The following SLCO1A2 variants were observed in gnomAD, a reference collection of about 807,000 sequenced individuals.
The protein encoded by SLCO1A2 is solute carrier organic anion transporter family member 1A2.
A neutral mutation model predicts 69.0 loss-of-function variants in SLCO1A2; 67 were observed. That is an observed-to-expected ratio of 0.97 (90% CI 0.80 to 1.19). The LOEUF (loss-of-function observed/expected upper bound fraction) is 1.19. Ranked by LOEUF, SLCO1A2 falls within the 50% of genes most tolerant of loss-of-function variation. The pLI, the probability that SLCO1A2 is intolerant of heterozygous loss-of-function variation, is 0.00. For missense variants in SLCO1A2, 787 were observed against 793.7 expected, an observed-to-expected ratio of 0.99 and a Z score of 0.10; for synonymous variants, 260 against 265.9, an observed-to-expected ratio of 0.98 and a Z score of 0.22.
chr12:21,398,915 G>A (rs75356344), upstream of SLCO1A2, among the ~76,000 whole-genome samples: 1 of 150,542 alleles, frequency 6.6e-6, no homozygotes, highest in Non-Finnish European at 1.5e-5. Context: ...CACAGCCAAT[G>A]TCATACTGAA....
At chr12:21,274,013 G>T (rs1943351053) in intron 14 of SLCO1A2, 1 of 152,320 alleles carries the variant, frequency 6.6e-6, no homozygotes, top group South Asian at 2.1e-4. Flanking sequence ...GAGACATGAA[G>T]AAGATTGTTT....
chr12:21,414,805 A>C (rs562242893), intron 1 of SLCO1A2, among the ~76,000 whole-genome samples: 1 of 152,264 alleles, frequency 6.6e-6, no homozygotes, highest in South Asian at 2.1e-4. Flanking sequence ...ATTTATAAAC[A>C]TTTCTCTCAT....
chr12:21,365,570 T>G (rs957055837), intron 2 of SLCO1A2, among the ~76,000 whole-genome samples: 1 of 152,056 alleles, frequency 6.6e-6, no homozygotes, highest in African/African-American at 2.4e-5. Flanking sequence ...ACTAAAGAGC[T>G]TCTGCACATC....
intron 2 of SLCO1A2, among the ~76,000 whole-genome samples, chr12:21,343,937 A>G (rs995864594): frequency 2.6e-5 from 4 of 152,146 alleles, no homozygotes; most frequent in Non-Finnish European, 4.4e-5. Flanking sequence ...TGCAGAAAGT[A>G]TGAAGAATGC....
chr12:21,326,780 C>A (rs2199683), intron 2 of SLCO1A2, among the ~76,000 whole-genome samples: 7,376 of 152,170 alleles, frequency 0.048, 583 homozygotes, highest in African/African-American at 0.16. Flanking sequence ...TAAGAGCATT[C>A]AGTTTTATTA....
chr12:21,384,135 C>A (rs1268560945), intron 1 of SLCO1A2, among the ~76,000 whole-genome samples: 1 of 151,928 alleles, frequency 6.6e-6, no homozygotes, highest in Non-Finnish European at 1.5e-5. Flanking sequence ...GATAACTACA[C>A]AAACCAAAGA....
chr12:21,301,265 A>T lies in SLCO1A2; in HGVS notation c.594T>A (p.Leu198=). The T allele has an allele frequency of 6.2e-7, 1 of 1,606,386 alleles. No individual in the cohort carries two copies. The part of the protein sequence containing the change: ...KFENSPLYIG[L]VETGAIIGPL... The stretch of plus-strand genomic sequence containing the variant: ...GACCAATAATAGCTCCTGTTTCTAC[A>T]AGCCCTAAAAATAAATAAAAGTATA... The change falls in exon 7 of 15, where the codon CTT becomes CTA. Residue 198 remains leucine, a synonymous_variant. Transcript: ENST00000683939.
intron 2 of SLCO1A2, among the ~76,000 whole-genome samples, chr12:21,352,705 A>C (rs768028172): frequency 6.6e-6 from 1 of 152,276 alleles, no homozygotes; most frequent in Non-Finnish European, 1.5e-5. Flanking sequence ...AGCCAAAAGC[A>C]TAATGCGAGA....
Position 21,294,005 on chromosome 12 carries a change from C to T in SLCO1A2, c.1377G>A (p.Leu459=). Residue 459 remains leucine (L), a synonymous_variant, in exon 11 of 15, where the codon TTG becomes TTA. Transcript: ENST00000683939. ...IWDPVCGNNG[L]SYLSACLAGC... ...CAGCAAGACAAGCTGACAGATATGA[C>T]AAGCCATTGTTTCCACACACAGGAT... 6.2e-7 allele frequency: 1 copy of T among 1,612,904 alleles called. No homozygotes were observed. Among genetic ancestry groups the T allele is most frequent in the South Asian group, 1.1e-5 (1 of 90,948 alleles).
chr12:21,365,471 C>A (rs1939300858), intron 2 of SLCO1A2, among the ~76,000 whole-genome samples: 1 of 152,196 alleles, frequency 6.6e-6, no homozygotes, highest in Non-Finnish European at 1.5e-5. Context: ...CCATACCATT[C>A]AGGACATAGG....
intron 1 of SLCO1A2, among the ~76,000 whole-genome samples, chr12:21,387,575 T>C (rs985737980): frequency 1.3e-5 from 2 of 152,326 alleles, no homozygotes; most frequent in South Asian, 2.1e-4. Context: ...AAGTCAAGAA[T>C]TGAGGTTTGG....
chr12:21,281,615 G>T (rs1377900623), intron 12 of SLCO1A2, among the ~76,000 whole-genome samples: 1 of 151,704 alleles, frequency 6.6e-6, no homozygotes, highest in Non-Finnish European at 1.5e-5. Flanking sequence ...CAAAACAAAA[G>T]AAATAGTTAT....
chr12:21,391,275 G>T (rs554900031), intron 1 of SLCO1A2, among the ~76,000 whole-genome samples: 39 of 152,168 alleles, frequency 2.6e-4, no homozygotes, highest in African/African-American at 9.4e-4. Flanking sequence ...TTATAGAGGA[G>T]CCCAAATTTG....
At chr12:21,373,209 A>G (rs901867449) in intron 2 of SLCO1A2, 7 of 688,192 alleles carry the variant, frequency 1.0e-5, no homozygotes, top group Non-Finnish European at 1.8e-5. Flanking sequence ...TGTATCAATA[A>G]AAATTTTGAT....
chr12:21,303,871 A>G (rs904865116), intron 6 of SLCO1A2, among the ~76,000 whole-genome samples: 1 of 152,216 alleles, frequency 6.6e-6, no homozygotes, highest in Non-Finnish European at 1.5e-5. Flanking sequence ...ATGCAGAGCC[A>G]TGAGTAATAA....
At chr12:21,334,346 A>C (rs1952792536) in intron 2 of SLCO1A2, among the ~76,000 whole-genome samples, 1 of 152,048 alleles carries the variant, frequency 6.6e-6, no homozygotes, top group African/African-American at 2.4e-5. Context: ...AATTTTTAGG[A>C]TCCTGTCTTC....
At chr12:21,318,131 T>TTC (rs1951113947) in intron 3 of SLCO1A2, among the ~76,000 whole-genome samples, 1 of 139,010 alleles carries the variant, frequency 7.2e-6, no homozygotes, top group Non-Finnish European at 1.6e-5. Context: ...ACCTTTTCTT[T>TTC]TTTTTTTTTG....
At chr12:21,328,447 G>A (rs1952400326) in intron 2 of SLCO1A2, among the ~76,000 whole-genome samples, 1 of 152,054 alleles carries the variant, frequency 6.6e-6, no homozygotes, top group South Asian at 2.1e-4. Flanking sequence ...CCTCTTCCAG[G>A]CTGGACAGAC....
chr12:21,321,127 C>T (rs1005798423), intron 2 of SLCO1A2, among the ~76,000 whole-genome samples: 4 of 152,178 alleles, frequency 2.6e-5, no homozygotes, highest in Non-Finnish European at 5.9e-5. Context: ...CATCTTACTT[C>T]GTGACTCTCA....
Sources: gnomAD v4.1 joint callset for allele counts (sites outside exome capture counted in the v4.1 genomes callset) on GRCh38, gnomAD v4.1.1 for gene constraint, MANE v1.5 for transcripts, NCBI Gene and HGNC (gene_info 2026-07-23, HGNC 2026-07-21) for gene names.